Variants in RASAL2 observed in about 807,000 individuals in gnomAD.
The protein encoded by RASAL2 is ras GTPase-activating protein nGAP.
Under a neutral mutation model 128.9 loss-of-function variants are expected in RASAL2, and 58 were observed. The observed-to-expected ratio is 0.45, with a 90% CI of 0.36 to 0.56. The LOEUF (loss-of-function observed/expected upper bound fraction) is 0.56. Among genes scored for constraint, RASAL2 ranks in the 20% least tolerant of loss-of-function variants. The pLI, the probability that RASAL2 is intolerant of heterozygous loss-of-function variation, is 0.00. For missense variants in RASAL2, 1,360 were observed against 1,601.6 expected (o/e 0.85, Z 2.57); for synonymous variants, 561 against 580.8 (o/e 0.97, Z 0.49).
At chr1:178,382,629 TC>T (rs746783586) in intron 3 of RASAL2, among the ~76,000 whole-genome samples, 1 of 152,102 alleles carries the variant, frequency 6.6e-6, no homozygotes, top group Non-Finnish European at 1.5e-5. Flanking sequence ...GGGTGATAGT[TC>T]CACCTCCAAA....
intron 1 of RASAL2, among the ~76,000 whole-genome samples, chr1:178,143,587 C>T (rs1009471302): frequency 4.0e-5 from 6 of 151,728 alleles, no homozygotes; most frequent in Non-Finnish European, 7.4e-5. Flanking sequence ...TTTATGTAAA[C>T]GAATTATACC....
chr1:178,363,337 C>T lies in RASAL2; in HGVS notation c.458-26763C>T, dbSNP rs1373297603. On this transcript the variant is annotated intron_variant, in intron 3 of 17. Transcript: ENST00000367649. Reference sequence around the variant, plus strand: ...GAGAAATGTTTATTCAGGTTCTTTGCCCATTTTTTAATTAGGTTATTCAAT... The same window carrying T: ...GAGAAATGTTTATTCAGGTTCTTTGTCCATTTTTTAATTAGGTTATTCAAT... 2.6e-5 allele frequency among the ~76,000 whole-genome samples: 4 copies of T among 151,784 alleles called. No homozygotes were observed. In the East Asian group the frequency reaches 7.8e-4, roughly 30 times the overall value.
At chr1:178,416,943 G>T (rs1242386345) in intron 4 of RASAL2, among the ~76,000 whole-genome samples, 3 of 147,524 alleles carry the variant, frequency 2.0e-5, no homozygotes, top group African/African-American at 7.4e-5. Context: ...ATATGCCTCA[G>T]TGTAGTTTTG....
rs199823540 is a variant in RASAL2, at chr1:178,221,022, AT to A, written c.203-62537del. Among the ~76,000 whole-genome samples, 28 of 152,274 alleles carry A rather than the reference AT, an allele frequency of 1.8e-4. No homozygotes were observed. The East Asian group carries it at 4.4e-3, about 24-fold the overall frequency. ...AATCGTCTTTTAAAGTAGCTGTACC[AT>A]TTTTGTGTTCCCACCAGCAGTGCAT... On this transcript the variant is annotated intron_variant, in intron 1 of 17. Coordinates refer to ENST00000367649, the MANE Select transcript of RASAL2 (RefSeq NM_170692.4).
intron 5 of RASAL2, among the ~76,000 whole-genome samples, chr1:178,431,681 A>C (rs546403243): frequency 2.2e-4 from 33 of 151,966 alleles, no homozygotes; most frequent in Non-Finnish European, 3.4e-4. Flanking sequence ...GATGGTCATC[A>C]AGGACTGTAA....
intron 1 of RASAL2, among the ~76,000 whole-genome samples, chr1:178,115,022 T>C (rs988355844): frequency 2.0e-4 from 30 of 152,148 alleles, no homozygotes; most frequent in Admixed American, 6.6e-4. Flanking sequence ...ACATTATAAA[T>C]TTTTTTTCCA....
chr1:178,158,990 T>C (rs964904558), intron 1 of RASAL2, among the ~76,000 whole-genome samples: 2 of 152,208 alleles, frequency 1.3e-5, no homozygotes, highest in Non-Finnish European at 2.9e-5. Flanking sequence ...GATTACCGGA[T>C]AATATTTACC....
chr1:178,171,523 C>G (rs375821394), intron 1 of RASAL2, among the ~76,000 whole-genome samples: 6 of 151,904 alleles, frequency 3.9e-5, no homozygotes, highest in African/African-American at 1.4e-4. Context: ...GAAAGTGAGC[C>G]TATTCAGACA....
intron 1 of RASAL2, among the ~76,000 whole-genome samples, chr1:178,240,075 T>C (rs931846763): frequency 2.0e-5 from 3 of 152,220 alleles, no homozygotes; most frequent in East Asian, 3.9e-4. Flanking sequence ...TATAAACTTT[T>C]GTAATTACTT....
At chr1:178,141,375 C>T (rs10159245) in intron 1 of RASAL2, among the ~76,000 whole-genome samples, 5,324 of 151,826 alleles carry the variant, frequency 0.035, 280 homozygotes, top group African/African-American at 0.12. Flanking sequence ...TATTTCTTTA[C>T]CTCCTGTTTT....
intron 1 of RASAL2, among the ~76,000 whole-genome samples, chr1:178,277,240 T>C (rs1376520485): frequency 6.7e-6 from 1 of 150,372 alleles, no homozygotes; most frequent in Non-Finnish European, 1.5e-5. Context: ...GTTGTGAACA[T>C]GTTGATGAAA....
chr1:178,199,927 A>G (rs185412568), intron 1 of RASAL2, among the ~76,000 whole-genome samples: 1 of 152,256 alleles, frequency 6.6e-6, no homozygotes, highest in African/African-American at 2.4e-5. Flanking sequence ...TCGTGGAGAG[A>G]TTAGACTGGC....
At chr1:178,172,093 T>C (rs73051422) in intron 1 of RASAL2, among the ~76,000 whole-genome samples, 2,050 of 152,110 alleles carry the variant, frequency 0.013, 47 homozygotes, top group African/African-American at 0.046. Context: ...TGTTATTGAC[T>C]GTTACCTGTT....
intron 1 of RASAL2, among the ~76,000 whole-genome samples, chr1:178,131,928 A>G (rs975258299): frequency 6.6e-6 from 1 of 152,202 alleles, no homozygotes; most frequent in Non-Finnish European, 1.5e-5. Flanking sequence ...TCCCTATACT[A>G]AAATTCCAAT....
chr1:178,203,567 A>G (rs1032248232), intron 1 of RASAL2, among the ~76,000 whole-genome samples: 1 of 152,174 alleles, frequency 6.6e-6, no homozygotes, highest in Non-Finnish European at 1.5e-5. Flanking sequence ...TTTGCTTCCT[A>G]TTCCTGCAAC....
chr1:178,452,675 C>T (rs1239170456), intron 11 of RASAL2, 23 bp downstream of exon 11: 2 of 1,568,018 alleles, frequency 1.3e-6, no homozygotes, highest in South Asian at 2.2e-5. Context: ...GTTGTAACCA[C>T]TTTAAAAACA....
At chr1:178,198,076 C>T (rs759768210) in intron 1 of RASAL2, among the ~76,000 whole-genome samples, 1 of 152,182 alleles carries the variant, frequency 6.6e-6, no homozygotes, top group African/African-American at 2.4e-5. Flanking sequence ...ATATGTGCCA[C>T]ATTTGCTTAA....
intron 1 of RASAL2, among the ~76,000 whole-genome samples, chr1:178,167,455 CTATTTATAAATAA>C (rs1006946625): frequency 6.6e-6 from 1 of 152,040 alleles, no homozygotes; most frequent in African/African-American, 2.4e-5. Context: ...ATAGAGAATA[CTATTTATAAATAA>C]GAGATTGGCA....
intron 3 of RASAL2, among the ~76,000 whole-genome samples, chr1:178,336,456 C>T (rs1669589244): frequency 6.6e-6 from 1 of 151,944 alleles, no homozygotes; most frequent in Admixed American, 6.6e-5. Context: ...AAGGCAAAAC[C>T]AAATGCCTAA....
Sources: allele counts gnomAD v4.1 joint callset (sites outside exome capture counted in the v4.1 genomes callset), GRCh38; gene constraint gnomAD v4.1.1; transcripts MANE v1.5; gene names NCBI Gene and HGNC (gene_info 2026-07-23, HGNC 2026-07-21).